SPAG17: variants seen among roughly 807,000 people sequenced by gnomAD.
The protein encoded by SPAG17 is sperm-associated antigen 17.
Under a neutral mutation model 273.6 loss-of-function variants are expected in SPAG17, and 169 were observed. The ratio of observed to expected loss-of-function variants is 0.62; its 90% confidence interval spans 0.55 to 0.70. SPAG17 has a LOEUF of 0.70. SPAG17 is among the 30% of genes least tolerant of loss of function. The pLI is 0.00. For synonymous variants in SPAG17, 825 were observed against 873.2 expected, an observed-to-expected ratio of 0.94 and a Z score of 0.97; for missense variants, 2,557 against 2,627.8, an observed-to-expected ratio of 0.97 and a Z score of 0.59.
chr1:117,966,797 C>T (rs761442723), intron 46 of SPAG17, 44 bp from the exon 47 acceptor site: 3 of 1,510,898 alleles, frequency 2.0e-6, no homozygotes, highest in Non-Finnish European at 2.7e-6. Flanking sequence ...ACTCTGAGTT[C>T]AAACCTTGCT....
In SPAG17 at chr1:117,987,878, G is replaced by C. The variant is rs760830391; in HGVS notation, c.5625C>G (p.His1875Gln). 2 of 1,611,176 alleles carry C rather than the reference G, an allele frequency of 1.2e-6. No individual in the cohort carries two copies. The highest frequency in any genetic ancestry group is 1.7e-6 in the Non-Finnish European group (2 of 1,177,612). The change falls in exon 40 of 49, where the codon CAC (histidine) becomes CAG (glutamine). Residue 1875 changes from histidine to glutamine, a missense_variant. His to Gln is a conservative substitution (Grantham distance 24, BLOSUM62 0). Transcript: ENST00000336338. The part of the protein sequence containing the change: ...GKDFFEKTWR[H>Q]TASSKRWKEK... Reference sequence around the variant, plus strand: ...CTTTCCAGCGTTTTGAGGATGCTGTGTGTCTATGTGAAAGGAAAGGAAAGT... The same window carrying C: ...CTTTCCAGCGTTTTGAGGATGCTGTCTGTCTATGTGAAAGGAAAGGAAAGT...
intron 15 of SPAG17, among the ~76,000 whole-genome samples, chr1:118,076,118 A>G (rs1164617807): frequency 2.0e-5 from 3 of 152,070 alleles, no homozygotes; most frequent in African/African-American, 4.8e-5. Flanking sequence ...AAGAATCTAC[A>G]TCATATATTA....
intron 15 of SPAG17, among the ~76,000 whole-genome samples, chr1:118,075,392 A>T (rs1056621528): frequency 2.0e-5 from 3 of 152,214 alleles, no homozygotes; most frequent in Non-Finnish European, 4.4e-5. Flanking sequence ...GAAGGAACAC[A>T]TTCATATTGT....
At chr1:118,041,443 GAC>G (rs1367663672) in intron 21 of SPAG17, among the ~76,000 whole-genome samples, 2 of 151,872 alleles carry the variant, frequency 1.3e-5, no homozygotes, top group East Asian at 3.9e-4. Context: ...TGCCCACAGA[GAC>G]AACAAAATGT....
At chr1:118,125,118 G>C (rs921961070) in intron 3 of SPAG17, among the ~76,000 whole-genome samples, 30 of 152,202 alleles carry the variant, frequency 2.0e-4, no homozygotes, top group East Asian at 1.7e-3. Flanking sequence ...CTGAGACCTA[G>C]TGGGGACCTG....
chr1:118,024,563 C>T (rs1175396438), intron 27 of SPAG17, among the ~76,000 whole-genome samples: 1 of 151,786 alleles, frequency 6.6e-6, no homozygotes, highest in African/African-American at 2.4e-5. Context: ...GGTCATCTTT[C>T]TCATTGAGAA....
At chr1:118,130,574 T>C (rs1658004856) in intron 3 of SPAG17, among the ~76,000 whole-genome samples, 1 of 152,146 alleles carries the variant, frequency 6.6e-6, no homozygotes, top group African/African-American at 2.4e-5. Flanking sequence ...AAGACTGCGG[T>C]AGAATGGCAT....
At chr1:118,181,178 A>C (rs1660922110) in intron 1 of SPAG17, among the ~76,000 whole-genome samples, 1 of 152,086 alleles carries the variant, frequency 6.6e-6, no homozygotes, top group South Asian at 2.1e-4. Context: ...ATGTCACACA[A>C]AAAAATCAAC....
chr1:118,178,961 A>G (rs1660816898), intron 1 of SPAG17, among the ~76,000 whole-genome samples: 1 of 152,030 alleles, frequency 6.6e-6, no homozygotes, highest in African/African-American at 2.4e-5. Context: ...GAGGATATAC[A>G]CCAAAAAGAA....
intron 5 of SPAG17, among the ~76,000 whole-genome samples, chr1:118,100,546 G>A (rs1045346083): frequency 2.0e-5 from 3 of 152,078 alleles, no homozygotes; most frequent in Non-Finnish European, 4.4e-5. Context: ...TATATAAATA[G>A]TGCAACAGAG....
In SPAG17 at chr1:118,087,081, A is replaced by G. The variant is rs575525322; in HGVS notation, c.1360-73T>C. The stretch of plus-strand genomic sequence containing the variant: ...AGTGATACTCACTGCTCATTGCTGC[A>G]TTCCCACTGCTTAGTAAGAACCAGT... On this transcript the variant is annotated intron_variant, in intron 10 of 48. Coordinates refer to ENST00000336338, the MANE Select transcript of SPAG17 (RefSeq NM_206996.4). The G allele has an allele frequency of 2.0e-6, 3 of 1,473,768 alleles. No individual in the cohort carries two copies. In the African/African-American group the frequency reaches 4.2e-5, roughly 21 times the overall value. 91.3% of individuals were successfully genotyped at this position (1,473,768 alleles called of 1,614,324 possible). A position where few individuals can be genotyped will look rare whatever the true frequency, so the allele number is the denominator to read the frequency against.
At chr1:118,020,157 G>A (rs768369645) in intron 28 of SPAG17, among the ~76,000 whole-genome samples, 8 of 152,184 alleles carry the variant, frequency 5.3e-5, no homozygotes, top group Non-Finnish European at 1.0e-4. Flanking sequence ...CAGGCCAGGC[G>A]CAGTGGCTTC....
At chr1:118,069,489 A>G (rs1331038701) in intron 17 of SPAG17, among the ~76,000 whole-genome samples, 2 of 152,160 alleles carry the variant, frequency 1.3e-5, no homozygotes, top group Admixed American at 6.5e-5. Flanking sequence ...TTTTTGCTTG[A>G]GCACTTGAAT....
intron 36 of SPAG17, among the ~76,000 whole-genome samples, chr1:117,991,730 A>C (rs1007182004): frequency 1.4e-4 from 21 of 152,198 alleles, no homozygotes; most frequent in African/African-American, 5.1e-4. Flanking sequence ...GCAAAAGCAA[A>C]GCTTTAAGGG....
intron 28 of SPAG17, among the ~76,000 whole-genome samples, chr1:118,016,613 A>G (rs1448936187): frequency 6.6e-6 from 1 of 152,190 alleles, no homozygotes; most frequent in Non-Finnish European, 1.5e-5. Context: ...CAGTTACTAA[A>G]TTTTTAACTC....
chr1:117,954,059 TGAAG>T lies in SPAG17; in HGVS notation c.*1-14_*1-11del. 1 of 1,611,366 alleles carries T rather than the reference TGAAG, an allele frequency of 6.2e-7. No homozygotes were observed. The highest frequency in any genetic ancestry group is 1.1e-5 in the South Asian group (1 of 90,836). The stretch of plus-strand genomic sequence containing the variant: ...TTGTACCGAGAAGAAACTGCAAAAA[TGAAG>T]GAACACAAAGCCATTTGTAAAGCTG... On this transcript the variant is annotated splice_polypyrimidine_tract_variant and intron_variant, in intron 48 of 48. Transcript: ENST00000336338.
At chr1:117,977,155 C>CAAA (rs5777331) in intron 43 of SPAG17, among the ~76,000 whole-genome samples, 1 of 141,346 alleles carries the variant, frequency 7.1e-6, no homozygotes, top group African/African-American at 2.7e-5. Context: ...ACTAAAAATA[C>CAAA]AAAAAAAAAA....
intron 3 of SPAG17, among the ~76,000 whole-genome samples, chr1:118,131,445 C>T (rs1334153678): frequency 6.6e-6 from 1 of 152,222 alleles, no homozygotes; most frequent in African/African-American, 2.4e-5. Context: ...CCTTTCCTCC[C>T]TTTTGCTCTG....
intron 21 of SPAG17, 69 bp from the exon 22 acceptor site, chr1:118,040,910 G>T: frequency 9.6e-7 from 1 of 1,042,328 alleles, no homozygotes; most frequent in Non-Finnish European, 1.5e-6. Flanking sequence ...ATCAGTGTTA[G>T]CCAACTAAAG....
Sources: allele counts gnomAD v4.1 joint callset (sites outside exome capture counted in the v4.1 genomes callset), GRCh38; gene constraint gnomAD v4.1.1; transcripts MANE v1.5; gene names NCBI Gene and HGNC (gene_info 2026-07-23, HGNC 2026-07-21).